Variants in PAICS observed in about 807,000 individuals in gnomAD.
PAICS encodes phosphoribosylaminoimidazole carboxylase and phosphoribosylaminoimidazolesuccinocarboxamide synthase.
Under a neutral mutation model 53.7 loss-of-function variants are expected in PAICS, and 33 were observed. The observed-to-expected ratio is 0.61, with a 90% CI of 0.47 to 0.82. The LOEUF is 0.82. PAICS is among the 40% of genes least tolerant of loss of function. The pLI is 0.00. For missense variants in PAICS, 394 were observed against 494.1 expected (o/e 0.80, Z 1.92); for synonymous variants, 141 against 167.2 (o/e 0.84, Z 1.21).
At chr4:56,417,366 A>G in the PAICS span, among the ~76,000 whole-genome samples, 3 of 152,218 alleles carry the variant, frequency 2.0e-5, no homozygotes, top group Admixed American at 1.3e-4. Flanking sequence ...CAAATGCTAT[A>G]AAGTTTTTTT....
intron 5 of PAICS, 148 bp from the exon 6 acceptor site, chr4:56,450,471 T>C: frequency 1.7e-6 from 1 of 578,596 alleles, no homozygotes; most frequent in South Asian, 2.3e-5. Flanking sequence ...GGAACTTTGT[T>C]AGTTTAATTC....
the PAICS span, among the ~76,000 whole-genome samples, chr4:56,412,520 T>C: frequency 6.6e-6 from 1 of 152,132 alleles, no homozygotes; most frequent in Non-Finnish European, 1.5e-5. Flanking sequence ...CTGGCTGGTC[T>C]TGAACTCCTG....
At chr4:56,419,710 G>C in the PAICS span, 4 of 981,774 alleles carry the variant, frequency 4.1e-6, no homozygotes, top group Non-Finnish European at 4.8e-6. Flanking sequence ...CCAGAAGTCA[G>C]GGCTCTAATA....
rs186231099 is a variant in PAICS, at chr4:56,436,808, A to G, written c.16+480A>G. ...TCAGTAGTACGAGACCAGCCTGGCC[A>G]ACATGGCGAAACCCCGTCTCTTACT... On this transcript the variant is annotated intron_variant, in intron 1 of 8. Transcript: ENST00000512576. Among the ~76,000 whole-genome samples the G allele has an allele frequency of 1.2e-4, 18 of 152,290 alleles. No individual in the cohort carries two copies. In the East Asian group the frequency reaches 3.5e-3, roughly 30 times the overall value.
chr4:56,436,588 A>G (rs1273002330), intron 1 of PAICS: 2 of 695,102 alleles, frequency 2.9e-6, no homozygotes, highest in Non-Finnish European at 2.6e-6. Flanking sequence ...TTTATAATCA[A>G]TAGCTATTGC....
chr4:56,415,566 C>G, the PAICS span, among the ~76,000 whole-genome samples: 4 of 152,134 alleles, frequency 2.6e-5, no homozygotes, highest in African/African-American at 9.7e-5. Flanking sequence ...TCCATTTAAA[C>G]ATAATTTAAC....
intron 8 of PAICS, among the ~76,000 whole-genome samples, chr4:56,459,046 T>C (rs1719366713): frequency 2.0e-5 from 3 of 152,222 alleles, no homozygotes. Flanking sequence ...TCAGTTGTTC[T>C]TCGCCAGGGA....
upstream of PAICS, chr4:56,436,152 C>T (rs1717927716): frequency 6.7e-6 from 10 of 1,491,016 alleles, no homozygotes; most frequent in South Asian, 9.3e-5. Flanking sequence ...TCCGCCCATA[C>T]CCCTCCGGGT....
chr4:56,448,579 T>C lies in PAICS; in HGVS notation c.555T>C (p.Cys185=), dbSNP rs1417293475. Residue 185 remains cysteine (C), a synonymous_variant, in exon 4 of 9, where the codon TGT becomes TGC. Transcript: ENST00000512576. ...AGAAATCCTGGTTGCCCCAGAATTG[T>C]ACACTGGTTGATATGAAGGTACAGA... ...ILEKSWLPQN[C]TLVDMKIEFG... is the part of the protein sequence containing the mutation. The C allele has an allele frequency of 9.4e-6, 15 of 1,603,028 alleles. No homozygotes were observed. Among genetic ancestry groups the C allele is most frequent in the African/African-American group, 1.3e-5 (1 of 74,698 alleles).
chr4:56,424,861 T>C, the PAICS span, among the ~76,000 whole-genome samples: 1 of 152,240 alleles, frequency 6.6e-6, no homozygotes, highest in Admixed American at 6.5e-5. Flanking sequence ...CGCAAGCCAC[T>C]GCTTTCTGGT....
the PAICS span, among the ~76,000 whole-genome samples, chr4:56,418,178 T>C: frequency 6.6e-6 from 1 of 152,122 alleles, no homozygotes; most frequent in Non-Finnish European, 1.5e-5. Flanking sequence ...ATGTCATGCA[T>C]GGTAGCGTGT....
upstream of PAICS, chr4:56,431,456 G>A (rs115820157): frequency 2.8e-3 from 2,742 of 977,718 alleles, 43 homozygotes; most frequent in African/African-American, 0.037. Context: ...AAGTGCTCCT[G>A]AGATCATTAC....
Position 56,453,595 on chromosome 4 carries a change from T to C in PAICS, c.953-8T>C, listed in dbSNP as rs1350891085. 2 of 1,577,354 alleles carry C rather than the reference T, an allele frequency of 1.3e-6. No homozygotes were observed. The highest frequency in any genetic ancestry group is 1.3e-5 in the African/African-American group (1 of 74,522). On this transcript the variant is annotated splice_polypyrimidine_tract_variant and splice_region_variant and intron_variant, in intron 7 of 8. Transcript: ENST00000512576. Reference sequence around the variant, plus strand: ...TTTAGCATAATTATACTCTTGTCATTTCCCTAGGGGATGGCATTCCTACTG... The same window carrying C: ...TTTAGCATAATTATACTCTTGTCATCTCCCTAGGGGATGGCATTCCTACTG...
chr4:56,435,940 C>G, upstream of PAICS: 1 of 1,493,256 alleles, frequency 6.7e-7, no homozygotes, highest in Non-Finnish European at 9.0e-7. Flanking sequence ...TACGCTCCAA[C>G]TTCTGAGTCG....
intron 8 of PAICS, among the ~76,000 whole-genome samples, chr4:56,456,387 C>T (rs553727160): frequency 5.9e-5 from 9 of 152,196 alleles, no homozygotes; most frequent in African/African-American, 1.4e-4. Flanking sequence ...CCACTGTGCC[C>T]GGCCTTCATT....
In PAICS at chr4:56,462,083, A is replaced by C. The variant is rs1196668537; in HGVS notation, c.*2545A>C. The C allele has an allele frequency of 6.6e-6, 1 of 152,246 alleles. No individual in the cohort carries two copies. Among genetic ancestry groups the C allele is most frequent in the Non-Finnish European group, 1.5e-5 (1 of 68,048 alleles). The allele number at this position is 152,246 out of a possible 1,614,324, so 9.4% of individuals were successfully genotyped here. A position where few individuals can be genotyped will look rare whatever the true frequency, so the allele number is the denominator to read the frequency against. The stretch of plus-strand genomic sequence containing the variant: ...TGTTTTAGAGGGGAAAACAAACCAT[A>C]AAAAGGTAAACAGTATAAAATCAGG... On this transcript the variant is annotated 3_prime_UTR_variant, in exon 9 of 9. Coordinates refer to ENST00000512576, the MANE Select transcript of PAICS (RefSeq NM_001079524.2).
At chr4:56,423,858 G>T in the PAICS span, among the ~76,000 whole-genome samples, 1 of 152,012 alleles carries the variant, frequency 6.6e-6, no homozygotes, top group Non-Finnish European at 1.5e-5. Context: ...AAACAGGCAA[G>T]GATTTTAGGT....
At chr4:56,442,444 G>A (rs1718388319) in intron 2 of PAICS, among the ~76,000 whole-genome samples, 1 of 152,160 alleles carries the variant, frequency 6.6e-6, no homozygotes, top group Non-Finnish European at 1.5e-5. Context: ...AAGACCAAAT[G>A]AAGATCAGAA....
the PAICS span, chr4:56,421,604 T>C: frequency 6.6e-6 from 1 of 152,162 alleles, no homozygotes; most frequent in Non-Finnish European, 1.5e-5. Flanking sequence ...TGAGTCCCAA[T>C]TGTAAGACAG....
Sources: allele counts gnomAD v4.1 joint callset (sites outside exome capture counted in the v4.1 genomes callset), GRCh38; gene constraint gnomAD v4.1.1; transcripts MANE v1.5; gene names NCBI Gene and HGNC (gene_info 2026-07-23, HGNC 2026-07-21).